Variants in ABLIM1 observed in about 807,000 individuals in gnomAD.
ABLIM1 encodes the protein actin binding LIM protein 1.
A neutral mutation model predicts 107.0 loss-of-function variants in ABLIM1; 40 were observed. That is an observed-to-expected ratio of 0.37 (90% CI 0.29 to 0.49). The LOEUF (loss-of-function observed/expected upper bound fraction) is 0.49, where lower values mean the gene tolerates loss of function less well. Ranked by LOEUF, ABLIM1 falls within the 20% of genes least tolerant of loss-of-function variation. The pLI, the probability that ABLIM1 is intolerant of heterozygous loss-of-function variation, is 0.97. For synonymous variants in ABLIM1, 357 were observed against 357.3 expected (o/e 1.00, Z 0.01); for missense variants, 857 against 1,008.5 (o/e 0.85, Z 2.04).
chr10:114,582,857 TAACTC>T (rs1211480276), intron 2 of ABLIM1, among the ~76,000 whole-genome samples: 1 of 152,042 alleles, frequency 6.6e-6, no homozygotes, highest in African/African-American at 2.4e-5. Context: ...ATACAAAAAT[TAACTC>T]AAGATAGATT....
chr10:114,518,614 TA>T (rs746414201), intron 6 of ABLIM1, among the ~76,000 whole-genome samples: 1 of 151,760 alleles, frequency 6.6e-6, no homozygotes, highest in Non-Finnish European at 1.5e-5. Flanking sequence ...TTTTTGTAAA[TA>T]AAGCTTTATT....
intron 6 of ABLIM1, among the ~76,000 whole-genome samples, chr10:114,531,472 C>T (rs2065443907): frequency 6.6e-6 from 1 of 152,210 alleles, no homozygotes; most frequent in Admixed American, 6.5e-5. Context: ...CGGGACTCAA[C>T]ATGTAAGCAA....
chr10:114,793,829 C>G, the ABLIM1 span, among the ~76,000 whole-genome samples: 1 of 152,190 alleles, frequency 6.6e-6, no homozygotes, highest in African/African-American at 2.4e-5. Flanking sequence ...CTGTCTATTA[C>G]CAGGGTCAGA....
chr10:114,624,734 T>G (rs773466704), intron 1 of ABLIM1, among the ~76,000 whole-genome samples: 1 of 152,106 alleles, frequency 6.6e-6, no homozygotes, highest in Admixed American at 6.5e-5. Context: ...TTTTTAGACA[T>G]CAATTAGTTG....
rs73362046 is a variant in ABLIM1, at chr10:114,644,557, C to A, written c.244+13400G>T. 2.6e-5 allele frequency among the ~76,000 whole-genome samples: 4 copies of A among 151,822 alleles called. No individual in the cohort carries two copies. The East Asian group carries it at 7.8e-4, about 29-fold the overall frequency. ...CATTGCTCGTCTGTCCCTGCTCTAC[C>A]CATCTTGTGAGTAGGCACTGAGCCG... On this transcript the variant is annotated intron_variant, in intron 1 of 22. Transcript: ENST00000533213.
At chr10:114,768,443 T>G (rs1377396375), upstream of ABLIM1, among the ~76,000 whole-genome samples, 1 of 151,804 alleles carries the variant, frequency 6.6e-6, no homozygotes, top group South Asian at 2.1e-4. Context: ...GTCTTCTTAA[T>G]AAGAAGAAAA....
At chr10:114,564,910 A>T (rs555419003) in intron 4 of ABLIM1, among the ~76,000 whole-genome samples, 2 of 152,204 alleles carry the variant, frequency 1.3e-5, no homozygotes, top group African/African-American at 4.8e-5. Flanking sequence ...TGGCCAACAC[A>T]TATGTGCTTC....
At chr10:114,547,576 G>A in intron 5 of ABLIM1, 74 bp downstream of exon 5, 1 of 1,587,300 alleles carries the variant, frequency 6.3e-7, no homozygotes, top group African/African-American at 1.3e-5. Flanking sequence ...TGGGGCCCCT[G>A]AGACCAGGAC....
upstream of ABLIM1, among the ~76,000 whole-genome samples, chr10:114,689,363 G>GTTT (rs1566241486): frequency 1.7e-5 from 2 of 120,244 alleles, no homozygotes; most frequent in African/African-American, 6.1e-5. Flanking sequence ...TTTGTATATT[G>GTTT]GTTTTTTTTT....
chr10:114,702,627 C>T (rs1056238623), intron 1 of ABLIM1, among the ~76,000 whole-genome samples: 10 of 150,604 alleles, frequency 6.6e-5, no homozygotes, highest in African/African-American at 2.0e-4. Context: ...CCCGGGTTCA[C>T]GCCATTCTCT....
At position 114,441,038 on chromosome 10, in the gene ABLIM1, C is replaced by A. The variant is rs868043089; in HGVS notation, c.2038G>T (p.Asp680Tyr). Residue 680 changes from aspartate to tyrosine, a missense_variant, in exon 19 of 23, where the codon GAT becomes TAT. Transcript: ENST00000533213. ...TDFAQYNSYG[D>Y]VSGGVRDYQT... ...TCACCTCGCACTCCCCCGCTGACAT[C>A]CCCATAGCTGTTATACTGAGCGAAG... is the stretch of plus-strand genomic sequence containing the variant. The A allele has an allele frequency of 1.3e-6, 2 of 1,591,104 alleles. No individual in the cohort carries two copies. Among genetic ancestry groups the A allele is most frequent in the Admixed American group, 3.5e-5 (2 of 57,028 alleles).
rs540600966 is a variant in ABLIM1, at chr10:114,586,489, G to T, written c.380-10890C>A. On this transcript the variant is annotated intron_variant, in intron 2 of 22. Transcript: ENST00000533213. ...ATAGGATTAGACCAAAGAAAAAGAA[G>T]TCAGGGTAATGATGGTCTTTAAGTA... Among the ~76,000 whole-genome samples the T allele has an allele frequency of 9.2e-5, 14 of 152,336 alleles. No individual in the cohort carries two copies. In the South Asian group the frequency reaches 2.7e-3, roughly 29 times the overall value.
intron 8 of ABLIM1, among the ~76,000 whole-genome samples, chr10:114,482,772 G>A (rs1369736853): frequency 3.9e-5 from 6 of 152,190 alleles, no homozygotes; most frequent in East Asian, 3.9e-4. Flanking sequence ...GACCTCTCTC[G>A]CTCCCTCTCT....
chr10:114,439,309 G>A (rs2059870786), intron 20 of ABLIM1, 59 bp from the exon 21 acceptor site: 1 of 1,575,642 alleles, frequency 6.3e-7, no homozygotes, highest in Non-Finnish European at 8.7e-7. Flanking sequence ...ACTGAAGGGA[G>A]TACTCTTGGG....
chr10:114,542,237 C>T (rs2066754454), intron 6 of ABLIM1, among the ~76,000 whole-genome samples: 1 of 151,466 alleles, frequency 6.6e-6, no homozygotes, highest in Admixed American at 6.6e-5. Context: ...AGTGAGACTC[C>T]CGTTCTTTAC....
chr10:114,608,757 G>A (rs1355010082), intron 1 of ABLIM1, among the ~76,000 whole-genome samples: 1 of 152,120 alleles, frequency 6.6e-6, no homozygotes, highest in Non-Finnish European at 1.5e-5. Flanking sequence ...GCTCACACCT[G>A]TAATCTCAGC....
chr10:114,777,300 G>GTTGAATTTCTCTCTC, the ABLIM1 span, among the ~76,000 whole-genome samples: 1 of 152,018 alleles, frequency 6.6e-6, no homozygotes, highest in African/African-American at 2.4e-5. Flanking sequence ...TTCTACCTCT[G>GTTGAATTTCTCTCTC]TTGAATTTCT....
At chr10:114,618,871 G>A (rs2077290463) in intron 1 of ABLIM1, among the ~76,000 whole-genome samples, 2 of 152,198 alleles carry the variant, frequency 1.3e-5, no homozygotes, top group Non-Finnish European at 2.9e-5. Context: ...TTGCCTCACT[G>A]TGGTCGTGTG....
intron 6 of ABLIM1, among the ~76,000 whole-genome samples, chr10:114,500,410 A>G (rs1183385237): frequency 3.3e-5 from 5 of 152,092 alleles, no homozygotes; most frequent in Middle Eastern, 6.8e-3. Flanking sequence ...GTATAAGAAA[A>G]CCTACTATGG....
Sources: gnomAD v4.1 joint callset for allele counts (sites outside exome capture counted in the v4.1 genomes callset) on GRCh38, gnomAD v4.1.1 for gene constraint, MANE v1.5 for transcripts, NCBI Gene and HGNC (gene_info 2026-07-23, HGNC 2026-07-21) for gene names.